NRG1: variants seen among roughly 807,000 people sequenced by gnomAD.
The protein encoded by NRG1 is neuregulin 1.
In NRG1, 18 loss-of-function variants were observed where a neutral mutation model predicts 63.8. The observed-to-expected ratio is 0.28, with a 90% CI of 0.19 to 0.42. NRG1 has a LOEUF of 0.42. Ranked by LOEUF, NRG1 falls within the 10% of genes least tolerant of loss-of-function variation. The pLI, the probability that NRG1 is intolerant of heterozygous loss-of-function variation, is 1.00. For synonymous variants in NRG1, 302 were observed against 301.3 expected (o/e 1.00, Z -0.02); for missense variants, 762 against 814.7 (o/e 0.94, Z 0.79).
At chr8:32,507,413 A>G (rs181333935) in intron 1 of NRG1, among the ~76,000 whole-genome samples, 5 of 152,328 alleles carry the variant, frequency 3.3e-5, no homozygotes, top group African/African-American at 1.2e-4. Context: ...TGAATGGAAC[A>G]CTTCACAGTT....
At chr8:31,993,303 A>C (rs327326) in intron 1 of NRG1, among the ~76,000 whole-genome samples, 128,742 of 151,970 alleles carry the variant, frequency 0.85, 55,405 homozygotes, top group African/African-American at 0.96. Context: ...TTTCCTACTG[A>C]AGCATGGGGT....
At chr8:31,734,505 G>A (rs1814450496) in intron 1 of NRG1, among the ~76,000 whole-genome samples, 1 of 152,098 alleles carries the variant, frequency 6.6e-6, no homozygotes, top group Admixed American at 6.6e-5. Flanking sequence ...TAAAGGATTT[G>A]ATTACTAGAA....
chr8:31,759,327 T>C (rs1259662920), intron 1 of NRG1, among the ~76,000 whole-genome samples: 2 of 152,120 alleles, frequency 1.3e-5, no homozygotes, highest in Non-Finnish European at 2.9e-5. Context: ...AAGTTTATGA[T>C]ATAATCTCTT....
At chr8:32,552,919 T>C (rs1260775822) in intron 1 of NRG1, among the ~76,000 whole-genome samples, 1 of 152,210 alleles carries the variant, frequency 6.6e-6, no homozygotes, top group Non-Finnish European at 1.5e-5. Context: ...ACTTTTATGT[T>C]TATTAATGAG....
chr8:32,136,230 T>C (rs1408147031), intron 1 of NRG1, among the ~76,000 whole-genome samples: 1 of 152,202 alleles, frequency 6.6e-6, no homozygotes, highest in Non-Finnish European at 1.5e-5. Flanking sequence ...CTGCCCATTA[T>C]AAAATATTCA....
In NRG1 at chr8:31,894,853, A is replaced by G. The variant is rs191008785; in HGVS notation, c.37+255422A>G. On this transcript the variant is annotated intron_variant, in intron 1 of 10. Transcript: ENST00000519301. The stretch of plus-strand genomic sequence containing the variant: ...GCGTGAGCCACCGCACCCGGCCCAT[A>G]ATTACTATTTCTTTCATTATGTTCT... Among the ~76,000 whole-genome samples the G allele has an allele frequency of 2.6e-4, 39 of 152,216 alleles. 1 individual carries two copies. The East Asian group carries it at 7.2e-3, about 28-fold the overall frequency.
At chr8:32,656,662 A>C (rs1483683993) in intron 5 of NRG1, among the ~76,000 whole-genome samples, 1 of 152,176 alleles carries the variant, frequency 6.6e-6, no homozygotes, top group Non-Finnish European at 1.5e-5. Context: ...TATTCACTCA[A>C]GTATAATACC....
In NRG1 at chr8:32,211,245, A is replaced by G. The variant is rs201465297; in HGVS notation, c.38-384583A>G. ...GGAGATAGTTTCAAGTGCCAAATAC[A>G]TGCATTTATTTTTTTCACAGAATGC... On this transcript the variant is annotated intron_variant, in intron 1 of 10. Coordinates refer to the NRG1 transcript ENST00000519301. Among the ~76,000 whole-genome samples the G allele has an allele frequency of 3.3e-5, 5 of 152,162 alleles. No individual in the cohort carries two copies. In the East Asian group the frequency reaches 9.6e-4, roughly 29 times the overall value.
At chr8:32,459,021 C>T (rs117929129) in intron 1 of NRG1, among the ~76,000 whole-genome samples, 1 of 152,220 alleles carries the variant, frequency 6.6e-6, no homozygotes, top group East Asian at 1.9e-4. Flanking sequence ...TTTTAAATAC[C>T]ATACATATAC....
At chr8:32,203,073 T>C (rs1159928887) in intron 1 of NRG1, among the ~76,000 whole-genome samples, 2 of 151,938 alleles carry the variant, frequency 1.3e-5, no homozygotes, top group African/African-American at 4.8e-5. Flanking sequence ...GTGGTTCAGC[T>C]TATCAAATAC....
intron 1 of NRG1, among the ~76,000 whole-genome samples, chr8:31,952,194 G>A (rs1304456115): frequency 3.9e-5 from 6 of 152,160 alleles, no homozygotes. Flanking sequence ...AATTTATTCA[G>A]CATCCCTTTA....
At position 32,648,280 on chromosome 8, in the gene NRG1, C is replaced by G. The variant is rs199722954; in HGVS notation, c.502+31395C>G. 3.1e-6 allele frequency: 5 copies of G among 1,614,102 alleles called. No homozygotes were observed. The East Asian group carries it at 1.1e-4, about 36-fold the overall frequency. On this transcript the variant is annotated intron_variant, in intron 5 of 11. Coordinates refer to ENST00000356819, the Ensembl canonical transcript of NRG1. ...GCCTTTTCTTTCTTGCCGTCCACTG[C>G]GCCATCCTTCCCTTCACCCACCCGG... is the stretch of plus-strand genomic sequence containing the variant.
chr8:32,442,516 G>A (rs1819684906), intron 1 of NRG1: 1 of 152,102 alleles, frequency 6.6e-6, no homozygotes, highest in Non-Finnish European at 1.5e-5. Flanking sequence ...GGAAGTCCCT[G>A]GAAGGAAAGG....
At chr8:31,941,253 C>T (rs1385101432) in intron 1 of NRG1, among the ~76,000 whole-genome samples, 1 of 152,094 alleles carries the variant, frequency 6.6e-6, no homozygotes, top group Non-Finnish European at 1.5e-5. Context: ...ATAGGCAAGT[C>T]AATAAATGTG....
intron 1 of NRG1, among the ~76,000 whole-genome samples, chr8:32,555,824 T>G (rs149088677): frequency 1.3e-5 from 2 of 152,238 alleles, no homozygotes; most frequent in African/African-American, 4.8e-5. Flanking sequence ...GTTTACCTGC[T>G]TATGTTAATT....
At chr8:32,291,899 A>G (rs560096266) in intron 1 of NRG1, among the ~76,000 whole-genome samples, 3 of 152,222 alleles carry the variant, frequency 2.0e-5, no homozygotes, top group East Asian at 1.9e-4. Context: ...AAATGAGCAT[A>G]TATGTTCATT....
Position 31,933,618 on chromosome 8 carries a change from CAG to C in NRG1, c.37+294195_37+294196del, listed in dbSNP as rs765217139. On this transcript the variant is annotated intron_variant, in intron 1 of 10. Transcript: ENST00000519301. Reference sequence around the variant, plus strand: ...TTTTAAATATGAGGAAACTGAGACACAGAGAGAGAATATACATTAAGATCAGA... The same window carrying C: ...TTTTAAATATGAGGAAACTGAGACACAGAGAGAATATACATTAAGATCAGA... Among the ~76,000 whole-genome samples the C allele has an allele frequency of 1.1e-4, 17 of 152,226 alleles. No individual in the cohort carries two copies. The East Asian group carries it at 1.2e-3, about 10-fold the overall frequency.
chr8:32,676,104 C>CAT (rs1416813155), intron 5 of NRG1, among the ~76,000 whole-genome samples: 2 of 152,130 alleles, frequency 1.3e-5, no homozygotes, highest in African/African-American at 4.8e-5. Context: ...TGAGTGTTGC[C>CAT]ATGGAGGTCA....
At chr8:32,678,085 C>T (rs1056088911) in intron 5 of NRG1, among the ~76,000 whole-genome samples, 9 of 152,156 alleles carry the variant, frequency 5.9e-5, no homozygotes, top group Admixed American at 2.0e-4. Context: ...CTATTTTTAT[C>T]TCCTATATGG....
Sources: allele counts gnomAD v4.1 joint callset (sites outside exome capture counted in the v4.1 genomes callset), GRCh38; gene constraint gnomAD v4.1.1; transcripts MANE v1.5; gene names NCBI Gene and HGNC (gene_info 2026-07-23, HGNC 2026-07-21).